PM20D2: variants seen among roughly 807,000 people sequenced by gnomAD.
PM20D2 encodes the protein xaa-Arg dipeptidase.
In PM20D2, 33 loss-of-function variants were observed where a neutral mutation model predicts 42.9. The ratio of observed to expected loss-of-function variants is 0.77; its 90% CI spans 0.58 to 1.03. The LOEUF is 1.03. Among genes scored for constraint, PM20D2 ranks in the 50% least tolerant of loss-of-function variants. The pLI, the probability that PM20D2 is intolerant of heterozygous loss-of-function variation, is 0.00. For synonymous variants in PM20D2, 250 were observed against 228.2 expected, an observed-to-expected ratio of 1.10 and a Z score of -0.86; for missense variants, 548 against 557.0, an observed-to-expected ratio of 0.98 and a Z score of 0.16.
the PM20D2 span, among the ~76,000 whole-genome samples, chr6:89,116,618 T>C: frequency 1.1e-4 from 17 of 151,890 alleles, no homozygotes; most frequent in African/African-American, 3.9e-4. Context: ...CTACTAAAAA[T>C]ATAAAAATTA....
the PM20D2 span, chr6:89,105,577 A>G: frequency 4.5e-6 from 6 of 1,345,824 alleles, no homozygotes; most frequent in South Asian, 1.5e-5. Context: ...TCAAGTAAAC[A>G]TATTTTAAAA....
In PM20D2 at chr6:89,163,957, C is replaced by T. The variant is rs1771328328; in HGVS notation, c.*1694C>T. 1 of 151,746 alleles carries T rather than the reference C, an allele frequency of 6.6e-6. No homozygotes were observed. Among genetic ancestry groups the T allele is most frequent in the South Asian group, 2.1e-4 (1 of 4,816 alleles). 9.4% of individuals were successfully genotyped at this position (151,746 alleles called of 1,614,324 possible). A position where few individuals can be genotyped will look rare whatever the true frequency, so the allele number is the denominator to read the frequency against. ...TTTAGTGGCAATTTTAAAAGCAGGCCTTAATATGGGACCTGCTTTTAAAGT... is the reference window on the plus strand; with the variant it reads ...TTTAGTGGCAATTTTAAAAGCAGGCTTTAATATGGGACCTGCTTTTAAAGT... On this transcript the variant is annotated 3_prime_UTR_variant, in exon 7 of 7. Transcript: ENST00000275072.
the PM20D2 span, among the ~76,000 whole-genome samples, chr6:89,127,386 G>A: frequency 1.3e-5 from 2 of 150,222 alleles, no homozygotes; most frequent in African/African-American, 4.9e-5. Context: ...CTGGAGTGCA[G>A]TGGTGTGATT....
At chr6:89,145,565 A>G (rs2127771452), upstream of PM20D2, among the ~76,000 whole-genome samples, 1 of 152,318 alleles carries the variant, frequency 6.6e-6, no homozygotes, top group Middle Eastern at 3.4e-3. Context: ...AGAAAACTGT[A>G]GAGAGTAGCT....
At chr6:89,098,575 T>C in the PM20D2 span, 8 of 1,604,386 alleles carry the variant, frequency 5.0e-6, no homozygotes, top group Middle Eastern at 1.7e-4. Flanking sequence ...TTTCTGTTGC[T>C]GTTCACCAAC....
At chr6:89,134,729 G>T in the PM20D2 span, among the ~76,000 whole-genome samples, 1 of 151,168 alleles carries the variant, frequency 6.6e-6, no homozygotes, top group Non-Finnish European at 1.5e-5. Context: ...ACTCTCTCAG[G>T]TGGGGTTCCT....
At chr6:89,158,562 A>G in intron 5 of PM20D2, 102 bp downstream of exon 5, 1 of 1,327,852 alleles carries the variant, frequency 7.5e-7, no homozygotes, top group East Asian at 2.4e-5. Flanking sequence ...GGGAGGTACT[A>G]CTGACGTTTT....
At chr6:89,127,887 C>T in the PM20D2 span, among the ~76,000 whole-genome samples, 3 of 152,320 alleles carry the variant, frequency 2.0e-5, no homozygotes, top group East Asian at 3.9e-4. Flanking sequence ...TATCAATTCC[C>T]AAATAATACT....
At chr6:89,118,775 C>T in the PM20D2 span, among the ~76,000 whole-genome samples, 1 of 152,226 alleles carries the variant, frequency 6.6e-6, no homozygotes, top group Non-Finnish European at 1.5e-5. Context: ...AAGCCCCGCC[C>T]TCTGAGCTTA....
chr6:89,132,617 G>A, the PM20D2 span, among the ~76,000 whole-genome samples: 10 of 150,434 alleles, frequency 6.6e-5, no homozygotes, highest in Non-Finnish European at 1.0e-4. Context: ...AGGCTGAGGC[G>A]GGCAGATCAC....
the PM20D2 span, among the ~76,000 whole-genome samples, chr6:89,104,223 CTTTTTTT>C: frequency 4.0e-5 from 5 of 123,538 alleles, no homozygotes; most frequent in East Asian, 2.3e-4. Context: ...AACTCATCAC[CTTTTTTT>C]TTTTTTTTTT....
rs929932046 is a variant in PM20D2 at position 89,158,308 on chromosome 6, T to C, written c.913-17T>C. ...TGAGTTTTTTATTTCAAAATTTGTT[T>C]TGCAATTTTTTATTAGGTGGAAATT... On this transcript the variant is annotated splice_polypyrimidine_tract_variant and intron_variant, in intron 4 of 6. Coordinates refer to ENST00000275072, the MANE Select transcript of PM20D2 (RefSeq NM_001010853.3). 4.5e-6 allele frequency: 7 copies of C among 1,561,438 alleles called. No homozygotes were observed. The highest frequency in any genetic ancestry group is 6.0e-6 in the Non-Finnish European group (7 of 1,159,670).
At chr6:89,130,558 G>GTCTTCACTTCTGAAGAGGAATCGC in the PM20D2 span, among the ~76,000 whole-genome samples, 1 of 152,114 alleles carries the variant, frequency 6.6e-6, no homozygotes, top group South Asian at 2.1e-4. Context: ...CTATCAGTCA[G>GTCTTCACTTCTGAAGAGGAATCGC]TCTTCACTTC....
chr6:89,160,987 GA>G (rs796610402), intron 5 of PM20D2, among the ~76,000 whole-genome samples: 9 of 147,440 alleles, frequency 6.1e-5, no homozygotes, highest in East Asian at 3.9e-4. Flanking sequence ...AATGAAGATT[GA>G]AAAAAAAAAG....
Position 89,146,307 on chromosome 6 carries a change from G to A in PM20D2, c.163G>A (p.Glu55Lys), listed in dbSNP as rs1770546539. 1.3e-6 allele frequency: 2 copies of A among 1,581,356 alleles called. No individual in the cohort carries two copies. The highest frequency in any genetic ancestry group is 2.7e-5 in the African/African-American group (2 of 73,932). The change falls in exon 1 of 7, where the codon GAG (glutamate) becomes AAG (lysine). Residue 55 changes from glutamate (E) to lysine (K), a missense_variant. Around this residue, in one of 3 missense-constraint regions of PM20D2, gnomAD observed 470 missense variants for 464.4 expected, o/e 1.01. Coordinates refer to ENST00000275072, the MANE Select transcript of PM20D2 (RefSeq NM_001010853.3). ...GAGCCAGCCCGAGCTGGCCTACGAG[G>A]AGCACCATGCCCACCGCGTGCTGAC... ...IWSQPELAYE[E>K]HHAHRVLTHF...
At chr6:89,153,534 AT>A (rs2127777993) in intron 3 of PM20D2, among the ~76,000 whole-genome samples, 1 of 152,288 alleles carries the variant, frequency 6.6e-6, no homozygotes, top group Non-Finnish European at 1.5e-5. Context: ...AATTTTGTCA[AT>A]TAAAAAAAGG....
chr6:89,107,383 T>C, the PM20D2 span: 1 of 697,012 alleles, frequency 1.4e-6, no homozygotes, highest in African/African-American at 1.8e-5. Context: ...TCTAAAATTG[T>C]TTTTTGTAAG....
the PM20D2 span, among the ~76,000 whole-genome samples, chr6:89,114,722 GT>G: frequency 6.6e-6 from 1 of 152,192 alleles, no homozygotes; most frequent in Non-Finnish European, 1.5e-5. Context: ...CTGCAGATGT[GT>G]TTTATTTGGC....
intron 2 of PM20D2, among the ~76,000 whole-genome samples, chr6:89,150,983 A>G (rs895167637): frequency 2.0e-5 from 3 of 151,558 alleles, no homozygotes; most frequent in Admixed American, 2.0e-4. Context: ...GCAAAACCCC[A>G]TCTCTACTAA....
Sources: gnomAD v4.1 joint callset for allele counts (sites outside exome capture counted in the v4.1 genomes callset) on GRCh38, gnomAD v4.1.1 for gene constraint, gnomAD v4.1.1 regional missense constraint, MANE v1.5 for transcripts, NCBI Gene and HGNC (gene_info 2026-07-23, HGNC 2026-07-21) for gene names.